The following SLC38A1 variants were observed in gnomAD, a reference collection of about 807,000 sequenced individuals.
SLC38A1 encodes sodium-coupled neutral amino acid symporter 1.
SLC38A1 carries 18 observed loss-of-function variants against 60.3 expected under a neutral mutation model. The observed-to-expected ratio is 0.30, with a 90% CI of 0.21 to 0.44. SLC38A1 has a LOEUF of 0.44. Ranked by LOEUF, SLC38A1 falls within the 20% of genes least tolerant of loss-of-function variation. The probability of loss-of-function intolerance (pLI) is 1.00; values close to 1 mark genes in which losing one functional copy is unlikely to be tolerated. For synonymous variants in SLC38A1, 196 were observed against 212.1 expected (o/e 0.92, Z 0.66); for missense variants, 448 against 587.2 (o/e 0.76, Z 2.45).
intron 3 of SLC38A1, among the ~76,000 whole-genome samples, chr12:46,234,446 CTTT>C (rs397791217): frequency 7.1e-6 from 1 of 140,680 alleles, no homozygotes. Context: ...TTCTTTCTTT[CTTT>C]TTTTTTTTTT....
At chr12:46,251,911 A>G (rs985684178) in intron 1 of SLC38A1, among the ~76,000 whole-genome samples, 2 of 152,204 alleles carry the variant, frequency 1.3e-5, no homozygotes, top group African/African-American at 4.8e-5. Flanking sequence ...TAGTTCAACC[A>G]TTGTGGAAGA....
chr12:46,235,388 A>G (rs1941224327), intron 3 of SLC38A1, among the ~76,000 whole-genome samples: 1 of 152,212 alleles, frequency 6.6e-6, no homozygotes, highest in African/African-American at 2.4e-5. Flanking sequence ...CTAACATTGT[A>G]TTAAAAAGGA....
chr12:46,226,520 T>C (rs1360789360), intron 5 of SLC38A1, among the ~76,000 whole-genome samples: 4 of 151,920 alleles, frequency 2.6e-5, no homozygotes, highest in African/African-American at 9.6e-5. Context: ...TTAAAAAAAT[T>C]AGAGGACTAG....
chr12:46,221,405 G>A lies in SLC38A1; in HGVS notation c.314+7748C>T, dbSNP rs187367432. Reference sequence around the variant, plus strand: ...TCAGAACTATTTTGAATTTTCAAATGAAGGAGGCATTCCTAGGAAAGTAGA... The same window carrying A: ...TCAGAACTATTTTGAATTTTCAAATAAAGGAGGCATTCCTAGGAAAGTAGA... On this transcript the variant is annotated intron_variant, in intron 5 of 16. Coordinates refer to ENST00000398637, the MANE Select transcript of SLC38A1 (RefSeq NM_030674.4). 4.6e-5 allele frequency among the ~76,000 whole-genome samples: 7 copies of A among 152,256 alleles called. No homozygotes were observed. In the East Asian group the frequency reaches 1.2e-3, roughly 25 times the overall value.
chr12:46,219,515 T>C (rs559347871), intron 5 of SLC38A1, among the ~76,000 whole-genome samples: 4 of 152,302 alleles, frequency 2.6e-5, no homozygotes, highest in African/African-American at 4.8e-5. Flanking sequence ...ACCCCTGATA[T>C]AGATGCAGAT....
At chr12:46,228,221 T>A (rs1940941041) in intron 5 of SLC38A1, among the ~76,000 whole-genome samples, 1 of 152,204 alleles carries the variant, frequency 6.6e-6, no homozygotes, top group Non-Finnish European at 1.5e-5. Context: ...CAGGGCAGCA[T>A]GGATGGGCAT....
intron 1 of SLC38A1, among the ~76,000 whole-genome samples, chr12:46,260,388 A>G (rs1179856278): frequency 1.3e-5 from 2 of 152,198 alleles, no homozygotes; most frequent in Non-Finnish European, 2.9e-5. Flanking sequence ...ACTTTATAAA[A>G]CTAGAATTCC....
At chr12:46,232,754 C>T (rs1424172222) in intron 3 of SLC38A1, among the ~76,000 whole-genome samples, 2 of 152,150 alleles carry the variant, frequency 1.3e-5, no homozygotes, top group African/African-American at 2.4e-5. Flanking sequence ...TGCTCAAGTC[C>T]CTAACATAAA....
At chr12:46,256,636 C>CACAGAG (rs142176282) in intron 1 of SLC38A1, among the ~76,000 whole-genome samples, 301 of 123,234 alleles carry the variant, frequency 2.4e-3, no homozygotes, top group East Asian at 0.013. Context: ...CACACACACA[C>CACAGAG]AGAGAGAGAG....
At chr12:46,213,497 C>T (rs962683) in intron 5 of SLC38A1, among the ~76,000 whole-genome samples, 129,679 of 152,304 alleles carry the variant, frequency 0.85, 55,509 homozygotes, top group African/African-American at 0.94. Context: ...TGGCATCAAC[C>T]TTGAATAGAA....
intron 16 of SLC38A1, chr12:46,196,351 C>T: frequency 6.6e-7 from 1 of 1,518,016 alleles, no homozygotes; most frequent in Non-Finnish European, 8.8e-7. Flanking sequence ...AGTCTAACTC[C>T]CAGTGGTCCT....
Position 46,213,136 on chromosome 12 carries a change from T to C in SLC38A1, c.315-4009A>G, listed in dbSNP as rs559284708. Among the ~76,000 whole-genome samples the C allele has an allele frequency of 1.2e-4, 19 of 152,360 alleles. No homozygotes were observed. In the South Asian group the frequency reaches 2.5e-3, roughly 20 times the overall value. Reference sequence around the variant, plus strand: ...GTGTGCTGAGATGAACACAATGCTATAACATCAGATTTGGTCCAAACAGCG... The same window carrying C: ...GTGTGCTGAGATGAACACAATGCTACAACATCAGATTTGGTCCAAACAGCG... On this transcript the variant is annotated intron_variant, in intron 5 of 16. Transcript: ENST00000398637.
intron 16 of SLC38A1, among the ~76,000 whole-genome samples, chr12:46,195,359 TG>T (rs1939322144): frequency 6.6e-6 from 1 of 152,174 alleles, no homozygotes; most frequent in Non-Finnish European, 1.5e-5. Flanking sequence ...TCTCAGCCCC[TG>T]ATGGGGAGGT....
In SLC38A1 at chr12:46,195,910, G is replaced by A. The variant is rs1421869568; in HGVS notation, c.1362+1810C>T. 3 of 399,032 alleles carry A rather than the reference G, an allele frequency of 7.5e-6. No individual in the cohort carries two copies. In the Admixed American group the frequency reaches 1.1e-4, roughly 14 times the overall value. The allele number at this position is 399,032 out of a possible 1,614,324, so 24.7% of individuals were successfully genotyped here. On this transcript the variant is annotated intron_variant, in intron 16 of 16. Transcript: ENST00000398637. ...ATCCCCTGACCCCTTGTGCTTCCTG[G>A]GTGAGGTGACGCCCCACCTTGCTTC...
At chr12:46,218,315 A>G (rs956600385) in intron 5 of SLC38A1, among the ~76,000 whole-genome samples, 5 of 151,770 alleles carry the variant, frequency 3.3e-5, no homozygotes, top group African/African-American at 7.3e-5. Context: ...ACTCTTTATC[A>G]TATTCTAAAG....
chr12:46,234,482 C>G (rs896689504), intron 3 of SLC38A1, among the ~76,000 whole-genome samples: 1 of 134,568 alleles, frequency 7.4e-6, no homozygotes, highest in East Asian at 2.2e-4. Flanking sequence ...GAGTCTCTGT[C>G]TTTCGCCCAG....
rs140845885 is a variant in SLC38A1 at position 46,256,115 on chromosome 12, G to C, written c.-209+12411C>G. 2.9e-4 allele frequency among the ~76,000 whole-genome samples: 43 copies of C among 146,888 alleles called. 1 individual carries two copies. The highest frequency in any genetic ancestry group is 1.1e-3 in the African/African-American group (43 of 39,334). On this transcript the variant is annotated intron_variant, in intron 1 of 16. Transcript: ENST00000398637. ...TAGGAGGCAGAGCTTACAGTGAATC[G>C]AGATCACGCCACTGCACTCCAGCCT...
At position 46,185,667 on chromosome 12, in the gene SLC38A1, A is replaced by G. The variant is rs3498; in HGVS notation, c.*3303T>C. The G allele has an allele frequency of 0.055, 8,355 of 152,104 alleles. 264 individuals carry two copies. The highest frequency in any genetic ancestry group is 0.091 in the Middle Eastern group (27 of 296). 9.4% of individuals were successfully genotyped at this position (152,104 alleles called of 1,614,324 possible). On this transcript the variant is annotated 3_prime_UTR_variant, in exon 17 of 17. Transcript: ENST00000398637. The stretch of plus-strand genomic sequence containing the variant: ...AGATGAACCATAGGAGCCAAAAGTC[A>G]GACAAACAGAAGAAGGCACACCAAG...
At chr12:46,199,036 A>T (rs1355323062) in intron 13 of SLC38A1, among the ~76,000 whole-genome samples, 1 of 151,920 alleles carries the variant, frequency 6.6e-6, no homozygotes, top group Non-Finnish European at 1.5e-5. Flanking sequence ...CGAGAATGAA[A>T]CATACAGTTG....
Sources: gnomAD v4.1 joint callset for allele counts (sites outside exome capture counted in the v4.1 genomes callset) on GRCh38, gnomAD v4.1.1 for gene constraint, MANE v1.5 for transcripts, NCBI Gene and HGNC (gene_info 2026-07-23, HGNC 2026-07-21) for gene names.